PARP11: variants seen among roughly 807,000 people sequenced by gnomAD.
The protein encoded by PARP11 is poly(ADP-ribose) polymerase family member 11.
Under a neutral mutation model 42.9 loss-of-function variants are expected in PARP11, and 31 were observed. The observed-to-expected ratio is 0.72, with a 90% CI of 0.54 to 0.98. PARP11 has a LOEUF of 0.98. Among genes scored for constraint, PARP11 ranks in the 50% least tolerant of loss-of-function variants. PARP11 has a pLI of 0.00. For missense variants in PARP11, 365 were observed against 413.1 expected (o/e 0.88, Z 1.01); for synonymous variants, 137 against 127.3 (o/e 1.08, Z -0.51).
intron 1 of PARP11, among the ~76,000 whole-genome samples, chr12:3,832,878 A>G (rs1212710937): frequency 6.6e-6 from 1 of 152,216 alleles, no homozygotes; most frequent in Non-Finnish European, 1.5e-5. Flanking sequence ...AAGCTAGTAC[A>G]AAGCGGCAAA....
intron 1 of PARP11, among the ~76,000 whole-genome samples, chr12:3,850,717 G>A (rs1948082097): frequency 6.6e-6 from 1 of 152,126 alleles, no homozygotes; most frequent in African/African-American, 2.4e-5. Flanking sequence ...AGATATCACT[G>A]TGGATAACAG....
Position 3,839,999 on chromosome 12 carries a change from A to G in PARP11, c.19-9981T>C, listed in dbSNP as rs956270926. On this transcript the variant is annotated intron_variant, in intron 1 of 7. Coordinates refer to ENST00000228820, the MANE Select transcript of PARP11 (RefSeq NM_020367.6). ...CCTTTGTCAGGCAACGAGCAGCTGA[A>G]GAACAATGGGAACTCTACTAGCCTG... The G allele has an allele frequency of 6.3e-6, 10 of 1,585,112 alleles. No individual in the cohort carries two copies. The African/African-American group carries it at 1.2e-4, about 19-fold the overall frequency.
In PARP11 at chr12:3,812,581, AGAG is replaced by A. The variant is rs137962694; in HGVS notation, c.701-145_701-143del. 3,908 of 643,948 alleles carry A rather than the reference AGAG, an allele frequency of 6.1e-3. 110 individuals are homozygous for A. The African/African-American group carries it at 0.061, about 10-fold the overall frequency. 39.9% of individuals were successfully genotyped at this position (643,948 alleles called of 1,614,324 possible). ...GAATTTCCTCATCTGCAGATCTTTA[AGAG>A]AAGAATAGAAATCCATCTGTTATGG... is the stretch of plus-strand genomic sequence containing the variant. On this transcript the variant is annotated intron_variant, in intron 7 of 7. Transcript: ENST00000228820.
chr12:3,829,133 G>A, intron 2 of PARP11, 103 bp from the exon 3 acceptor site: 1 of 1,201,326 alleles, frequency 8.3e-7, no homozygotes, highest in South Asian at 1.4e-5. Flanking sequence ...GAGGGGCGAG[G>A]GAAACTTACT....
At chr12:3,868,885 A>C (rs1283714604) in intron 1 of PARP11, among the ~76,000 whole-genome samples, 3 of 152,220 alleles carry the variant, frequency 2.0e-5, no homozygotes, top group Non-Finnish European at 4.4e-5. Context: ...AAACAACACT[A>C]ATTTATTTTC....
intron 1 of PARP11, chr12:3,842,476 A>C: frequency 3.7e-6 from 6 of 1,606,890 alleles, no homozygotes; most frequent in Non-Finnish European, 4.3e-6. Flanking sequence ...AGATAGGAGG[A>C]GATCAGGGAT....
chr12:3,865,205 G>A (rs960719518), intron 1 of PARP11, among the ~76,000 whole-genome samples: 6 of 152,096 alleles, frequency 3.9e-5, no homozygotes, highest in Non-Finnish European at 8.8e-5. Flanking sequence ...ATTTAGGTCA[G>A]AAAGTACATC....
At chr12:3,817,538 C>T (rs1947317092) in intron 6 of PARP11, among the ~76,000 whole-genome samples, 1 of 152,146 alleles carries the variant, frequency 6.6e-6, no homozygotes, top group Non-Finnish European at 1.5e-5. Context: ...ATTTCCAGGG[C>T]CTCATGAACT....
rs929828175 is a variant in PARP11 at position 3,861,649 on chromosome 12, ACAG to A, written c.18+11560_18+11562del. On this transcript the variant is annotated intron_variant, in intron 1 of 7. Coordinates refer to ENST00000228820, the MANE Select transcript of PARP11 (RefSeq NM_020367.6). This position sits in a 1 kb window ranked among gnomAD's most constrained non-coding sequence, Gnocchi z 4.6. ...TCATTCTCCTAGAAGCATGTTTTCA[ACAG>A]CAGAAGTTTTTAATTTTGATAAAGT... 6.6e-6 allele frequency among the ~76,000 whole-genome samples: 1 copy of A among 152,122 alleles called. No individual in the cohort carries two copies. The highest frequency in any genetic ancestry group is 1.5e-5 in the Non-Finnish European group (1 of 68,020).
Position 3,859,561 on chromosome 12 carries a change from A to T in PARP11, c.18+13651T>A, listed in dbSNP as rs75607136. On this transcript the variant is annotated intron_variant, in intron 1 of 7. Transcript: ENST00000228820. ...TGGGTGACAGAGTGAGACTCTGCTA[A>T]AAAAAAAAAAAAAAAAGGCAGATGT... 8.4e-3 allele frequency among the ~76,000 whole-genome samples: 487 copies of T among 58,258 alleles called. 3 individuals carry two copies. The highest frequency in any genetic ancestry group is 0.023 in the Middle Eastern group (2 of 88). 38.2% of individuals were successfully genotyped at this position (58,258 alleles called of 152,430 possible). A position where few individuals can be genotyped will look rare whatever the true frequency, so the allele number is the denominator to read the frequency against.
chr12:3,832,008 C>T, intron 1 of PARP11: 3 of 288,484 alleles, frequency 1.0e-5, no homozygotes, highest in Non-Finnish European at 1.5e-5. Context: ...AAATATTTGC[C>T]TTACGAGTTC....
intron 4 of PARP11, among the ~76,000 whole-genome samples, chr12:3,825,952 G>A (rs920518082): frequency 6.6e-6 from 1 of 152,014 alleles, no homozygotes; most frequent in African/African-American, 2.4e-5. Flanking sequence ...AGATGGTCTC[G>A]ATCTCCTGAC....
At chr12:3,869,687 A>C (rs1948442184) in intron 1 of PARP11, among the ~76,000 whole-genome samples, 1 of 152,178 alleles carries the variant, frequency 6.6e-6, no homozygotes, top group Admixed American at 6.5e-5. Context: ...CTGATTGCCC[A>C]GTCTAGTATT....
chr12:3,840,618 C>A lies in PARP11; in HGVS notation c.19-10600G>T. 7.8e-7 allele frequency: 1 copy of A among 1,280,804 alleles called. No homozygotes were observed. Among genetic ancestry groups the A allele is most frequent in the Non-Finnish European group, 1.1e-6 (1 of 875,964 alleles). The allele number at this position is 1,280,804 out of a possible 1,614,324, so 79.3% of individuals were successfully genotyped here. A position where few individuals can be genotyped will look rare whatever the true frequency, so the allele number is the denominator to read the frequency against. On this transcript the variant is annotated intron_variant, in intron 1 of 7. Transcript: ENST00000228820. This position sits in a 1 kb window ranked among gnomAD's most constrained non-coding sequence, Gnocchi z 4.4. ...ACACAAGTCGAGAATCTAACTATTG[C>A]TACTTCTCAGAGTAGCAATCCATGT...
At chr12:3,832,578 T>C (rs539715690) in intron 1 of PARP11, among the ~76,000 whole-genome samples, 3 of 152,334 alleles carry the variant, frequency 2.0e-5, no homozygotes, top group African/African-American at 7.2e-5. Flanking sequence ...TTTATAAGAT[T>C]AAACATTTCC....
intron 3 of PARP11, 40 bp downstream of exon 3, chr12:3,828,870 A>C (rs768279797): frequency 2.3e-5 from 37 of 1,581,314 alleles, no homozygotes; most frequent in Non-Finnish European, 3.1e-5. Context: ...TATCATATCA[A>C]TATACTAAAA....
Position 3,809,838 on chromosome 12 carries a change from T to A in PARP11, c.*2285A>T, listed in dbSNP as rs1019603134. On this transcript the variant is annotated 3_prime_UTR_variant, in exon 8 of 8. Transcript: ENST00000228820. ...TTGTCTCCAATTATTTTCATGATAATCTCTAGATGCTTTTTAAAGCGCTTT... is the reference window on the plus strand; with the variant it reads ...TTGTCTCCAATTATTTTCATGATAAACTCTAGATGCTTTTTAAAGCGCTTT... 5 of 152,182 alleles carry A rather than the reference T, an allele frequency of 3.3e-5. No homozygotes were observed. The highest frequency in any genetic ancestry group is 1.2e-4 in the African/African-American group (5 of 41,454). The allele number at this position is 152,182 out of a possible 1,614,324, so 9.4% of individuals were successfully genotyped here.
At chr12:3,839,749 G>C (rs1044938139) in intron 1 of PARP11, 2 of 1,121,220 alleles carry the variant, frequency 1.8e-6, no homozygotes, top group Non-Finnish European at 2.7e-6. Context: ...AAATCATTAT[G>C]ATATTGTGTA....
chr12:3,872,084 G>A (rs1407470063), intron 1 of PARP11: 1 of 152,210 alleles, frequency 6.6e-6, no homozygotes, highest in African/African-American at 2.4e-5. Flanking sequence ...TTGCCTGATA[G>A]TAGGTCGCTA....
Sources: allele counts gnomAD v4.1 joint callset (sites outside exome capture counted in the v4.1 genomes callset), GRCh38; gene constraint gnomAD v4.1.1; non-coding constraint Gnocchi (gnomAD v3.1); transcripts MANE v1.5; gene names NCBI Gene and HGNC (gene_info 2026-07-23, HGNC 2026-07-21).